The following ADCY9 variants were observed in gnomAD, a reference collection of about 807,000 sequenced individuals.
ADCY9 encodes the protein adenylate cyclase type 9.
ADCY9 carries 50 observed loss-of-function variants against 101.5 expected under a neutral mutation model. That is an observed-to-expected ratio of 0.49 (90% CI 0.39 to 0.62). ADCY9 has a LOEUF of 0.62. Ranked by LOEUF, ADCY9 falls within the 20% of genes least tolerant of loss-of-function variation. The probability of loss-of-function intolerance (pLI) is 0.00; values close to 1 mark genes in which losing one functional copy is unlikely to be tolerated. For synonymous variants in ADCY9, 905 were observed against 769.3 expected, an observed-to-expected ratio of 1.18 and a Z score of -2.92; for missense variants, 1,662 against 1,800.4, an observed-to-expected ratio of 0.92 and a Z score of 1.39.
chr16:4,002,152 AG>A (rs2056335377), intron 3 of ADCY9, among the ~76,000 whole-genome samples: 1 of 152,242 alleles, frequency 6.6e-6, no homozygotes, highest in East Asian at 1.9e-4. Context: ...GCATATTCAC[AG>A]GGATGTGCAA....
Position 3,963,282 on chromosome 16 carries a change from C to T in ADCY9, c.*2493G>A. 2.5e-6 allele frequency: 1 copy of T among 398,734 alleles called. No individual in the cohort carries two copies. Among genetic ancestry groups the T allele is most frequent in the Non-Finnish European group, 4.4e-6 (1 of 225,954 alleles). The allele number at this position is 398,734 out of a possible 1,614,324, so 24.7% of individuals were successfully genotyped here. A position where few individuals can be genotyped will look rare whatever the true frequency, so the allele number is the denominator to read the frequency against. On this transcript the variant is annotated 3_prime_UTR_variant, in exon 11 of 11. Coordinates refer to ENST00000294016, the MANE Select transcript of ADCY9 (RefSeq NM_001116.4). ...GAGGTATTGCCACCCTGAAGCACGA[C>T]CCATGCCGTCAGCAGCCCTCGTGCC...
chr16:3,972,712 T>A (rs903796118), intron 10 of ADCY9, among the ~76,000 whole-genome samples: 1 of 152,108 alleles, frequency 6.6e-6, no homozygotes, highest in African/African-American at 2.4e-5. Flanking sequence ...GGTTGACACT[T>A]TGGTATATTT....
Position 4,070,711 on chromosome 16 carries a change from C to T in ADCY9, c.1693+43039G>A, listed in dbSNP as rs563563280. Among the ~76,000 whole-genome samples, 37 of 151,918 alleles carry T rather than the reference C, an allele frequency of 2.4e-4. No homozygotes were observed. In the South Asian group the frequency reaches 2.9e-3, roughly 12 times the overall value. ...CTGTAATCCTATCACTTTGGGAGGC[C>T]GAGGCAGGAGGACTACTTGACCCCA... is the stretch of plus-strand genomic sequence containing the variant. On this transcript the variant is annotated intron_variant, in intron 2 of 10. Transcript: ENST00000294016.
At chr16:4,113,320 T>C (rs2057125669) in intron 2 of ADCY9, among the ~76,000 whole-genome samples, 1 of 152,212 alleles carries the variant, frequency 6.6e-6, no homozygotes, top group African/African-American at 2.4e-5. Context: ...AGAAAGATTT[T>C]ATTCTCCACG....
At chr16:4,110,449 A>G (rs1050090426) in intron 2 of ADCY9, among the ~76,000 whole-genome samples, 49 of 132,630 alleles carry the variant, frequency 3.7e-4, no homozygotes, top group Non-Finnish European at 9.2e-5. Context: ...AGTGCAGTGG[A>G]CATGATCACA....
At chr16:4,000,189 T>C (rs1459425469) in intron 3 of ADCY9, among the ~76,000 whole-genome samples, 1 of 152,254 alleles carries the variant, frequency 6.6e-6, no homozygotes, top group Non-Finnish European at 1.5e-5. Context: ...GAGGTGTTCT[T>C]TGAAACTCCT....
intron 2 of ADCY9, among the ~76,000 whole-genome samples, chr16:4,055,097 G>C (rs1025668347): frequency 1.3e-5 from 2 of 152,204 alleles, no homozygotes; most frequent in Admixed American, 6.5e-5. Flanking sequence ...ACACAAGGCA[G>C]ACAGAGGCAG....
chr16:3,954,520 A>C (rs1336433069), intron 5 of ADCY9, among the ~76,000 whole-genome samples: 1 of 152,104 alleles, frequency 6.6e-6, no homozygotes, highest in African/African-American at 2.4e-5. Context: ...GACCTCCGGG[A>C]CTTAGTGGCA....
At chr16:4,098,813 T>C (rs1413637183) in intron 2 of ADCY9, among the ~76,000 whole-genome samples, 1 of 152,210 alleles carries the variant, frequency 6.6e-6, no homozygotes, top group African/African-American at 2.4e-5. Flanking sequence ...TTGGGCCTTC[T>C]AGAACATTCC....
At chr16:3,969,341 G>A (rs1372551905) in intron 10 of ADCY9, among the ~76,000 whole-genome samples, 2 of 150,652 alleles carry the variant, frequency 1.3e-5, no homozygotes, top group Non-Finnish European at 3.0e-5. Context: ...TCCACCTCCT[G>A]GGCTCAACGA....
chr16:3,995,088 T>C (rs1347935154), intron 3 of ADCY9, among the ~76,000 whole-genome samples: 1 of 152,208 alleles, frequency 6.6e-6, no homozygotes. Flanking sequence ...TTCAAATCAC[T>C]TTACCTCAGT....
intron 2 of ADCY9, among the ~76,000 whole-genome samples, chr16:4,051,466 A>G (rs2056701214): frequency 6.6e-6 from 1 of 151,824 alleles, no homozygotes; most frequent in Non-Finnish European, 1.5e-5. Context: ...GGAGCTTGCA[A>G]TGAGCAGAGA....
intron 2 of ADCY9, among the ~76,000 whole-genome samples, chr16:4,078,366 A>G (rs1417683322): frequency 6.6e-6 from 1 of 152,132 alleles, no homozygotes; most frequent in Non-Finnish European, 1.5e-5. Flanking sequence ...GTTTGAGACC[A>G]GACTGGGCAA....
chr16:4,073,322 A>G (rs2159296), intron 2 of ADCY9, among the ~76,000 whole-genome samples: 98,141 of 151,722 alleles, frequency 0.65, 33,861 homozygotes, highest in East Asian at 0.9. Flanking sequence ...CCTGGCCTCA[A>G]GTGATCAACT....
In ADCY9 at chr16:4,115,880, G is replaced by A. The variant is rs1597238486; in HGVS notation, c.-234C>T. On this transcript the variant is annotated 5_prime_UTR_variant, in exon 1 of 11. Transcript: ENST00000294016. The surrounding 1 kb of genome is among the most constrained non-coding windows in gnomAD (Gnocchi z 6.2). The stretch of plus-strand genomic sequence containing the variant: ...TTGAGCGCTCCCAGCCCCGCGAGCC[G>A]CCTGCGCACAAACAACTCCGCTGGC... 2 of 395,070 alleles carry A rather than the reference G, an allele frequency of 5.1e-6. No homozygotes were observed. The highest frequency in any genetic ancestry group is 8.9e-6 in the Non-Finnish European group (2 of 223,902). 24.5% of individuals were successfully genotyped at this position (395,070 alleles called of 1,614,324 possible). A position where few individuals can be genotyped will look rare whatever the true frequency, so the allele number is the denominator to read the frequency against.
chr16:4,011,618 C>A (rs781347921), intron 2 of ADCY9, among the ~76,000 whole-genome samples: 2 of 152,212 alleles, frequency 1.3e-5, no homozygotes, highest in Non-Finnish European at 2.9e-5. Flanking sequence ...GGAGTCGGGT[C>A]CAGGTCCGCC....
downstream of ADCY9, among the ~76,000 whole-genome samples, chr16:3,961,067 T>A (rs1416928672): frequency 1.3e-5 from 2 of 152,256 alleles, no homozygotes; most frequent in Non-Finnish European, 1.5e-5. Context: ...AATGATCAGT[T>A]CTGGGGCTGA....
chr16:3,962,019 C>T (rs937993182), downstream of ADCY9, among the ~76,000 whole-genome samples: 2 of 139,164 alleles, frequency 1.4e-5, no homozygotes, highest in African/African-American at 5.2e-5. Context: ...GAGTGAGACT[C>T]TGTCTAAATA....
Position 3,967,033 on chromosome 16 carries a change from G to A in ADCY9, c.2871-67C>T, listed in dbSNP as rs546597399. 33 of 1,328,272 alleles carry A rather than the reference G, an allele frequency of 2.5e-5. No individual in the cohort carries two copies. The African/African-American group carries it at 3.2e-4, about 13-fold the overall frequency. 82.3% of individuals were successfully genotyped at this position (1,328,272 alleles called of 1,614,324 possible). On this transcript the variant is annotated intron_variant, in intron 10 of 10. Coordinates refer to ENST00000294016, the MANE Select transcript of ADCY9 (RefSeq NM_001116.4). ...GCGCTTCCAAGCTCAGAACAGCCCC[G>A]CTAGCTACGCAAAGCTTTGTTGAGT...
Sources: gnomAD v4.1 joint callset for allele counts (sites outside exome capture counted in the v4.1 genomes callset) on GRCh38, gnomAD v4.1.1 for gene constraint, Gnocchi (gnomAD v3.1) non-coding constraint, MANE v1.5 for transcripts, NCBI Gene and HGNC (gene_info 2026-07-23, HGNC 2026-07-21) for gene names.